The following PCDHGB7 variants were observed in gnomAD, a reference collection of about 807,000 sequenced individuals.
PCDHGB7 encodes the protein protocadherin gamma subfamily B, 7, also known as protocadherin gamma-B7.
In PCDHGB7, 37 loss-of-function variants were observed where a neutral mutation model predicts 61.4. That is an observed-to-expected ratio of 0.60 (90% confidence interval 0.46 to 0.79). The LOEUF is 0.79. Ranked by LOEUF, PCDHGB7 falls within the 30% of genes least tolerant of loss-of-function variation. PCDHGB7 has a pLI of 0.00. For synonymous variants in PCDHGB7, 464 were observed against 503.5 expected (o/e 0.92, Z 1.05); for missense variants, 1,166 against 1,202.5 (o/e 0.97, Z 0.45).
In PCDHGB7 at chr5:141,487,365, G is replaced by A. The variant is rs1466536791; in HGVS notation, c.2416-7442G>A. On this transcript the variant is annotated intron_variant, in intron 1 of 3. Coordinates refer to ENST00000398594, the MANE Select transcript of PCDHGB7 (RefSeq NM_018927.4). This position sits in a 1 kb window ranked among gnomAD's most constrained non-coding sequence, Gnocchi z 5.0. ...GTCACATGCTTTCCTGCTGGCACCT[G>A]TGCCTGTCTCACCAGATCTCGAAGG... The A allele has an allele frequency of 1.2e-6, 2 of 1,614,068 alleles. No homozygotes were observed. Among genetic ancestry groups the A allele is most frequent in the South Asian group, 1.1e-5 (1 of 91,088 alleles).
Position 141,489,322 on chromosome 5 carries a change from T to G in PCDHGB7, c.2416-5485T>G. 1.9e-6 allele frequency: 3 copies of G among 1,601,052 alleles called. No homozygotes were observed. The highest frequency in any genetic ancestry group is 2.2e-5 in the East Asian group (1 of 44,726). On this transcript the variant is annotated intron_variant, in intron 1 of 3. Transcript: ENST00000398594. This position sits in a 1 kb window ranked among gnomAD's most constrained non-coding sequence, Gnocchi z 4.5. The stretch of plus-strand genomic sequence containing the variant: ...GTCCTTGTGCTGCTGGGGCTGGGTG[T>G]CTGGGCAGCTTCGTTACTCAGTGGT...
At chr5:141,423,042 G>A in intron 1 of PCDHGB7, 1 of 1,614,220 alleles carries the variant, frequency 6.2e-7, no homozygotes, top group Non-Finnish European at 8.5e-7. Context: ...ACGCCTGGCT[G>A]TCCTATCGCC....
Position 141,511,403 on chromosome 5 carries a change from AC to A in PCDHGB7, c.*231del. ...TCCGCTGGGAACCCCCATCCAATCA[AC>A]TGCTGTACCCATGGGGGTAGTGGGG... is the stretch of plus-strand genomic sequence containing the variant. On this transcript the variant is annotated 3_prime_UTR_variant, in exon 4 of 4. Coordinates refer to ENST00000398594, the MANE Select transcript of PCDHGB7 (RefSeq NM_018927.4). 1.1e-6 allele frequency: 1 copy of A among 939,022 alleles called. No homozygotes were observed. The highest frequency in any genetic ancestry group is 1.5e-6 in the Non-Finnish European group (1 of 650,838). The allele number at this position is 939,022 out of a possible 1,614,324, so 58.2% of individuals were successfully genotyped here. A position where few individuals can be genotyped will look rare whatever the true frequency, so the allele number is the denominator to read the frequency against.
chr5:141,490,045 C>T lies in PCDHGB7; in HGVS notation c.2416-4762C>T, dbSNP rs530803072. On this transcript the variant is annotated intron_variant, in intron 1 of 3. Transcript: ENST00000398594. The surrounding 1 kb of genome is among the most constrained non-coding windows in gnomAD (Gnocchi z 5.4). ...GCTGCTCCGCCTCAATGCCACTGAT[C>T]CAGACGAGGGCACCAACGGCCAACT... 1.2e-5 allele frequency: 19 copies of T among 1,614,114 alleles called. No individual in the cohort carries two copies. Among genetic ancestry groups the T allele is most frequent in the Admixed American group, 1.2e-4 (7 of 60,014 alleles).
At chr5:141,450,147 C>T (rs1322871298) in intron 1 of PCDHGB7, among the ~76,000 whole-genome samples, 2 of 151,774 alleles carry the variant, frequency 1.3e-5, no homozygotes, top group African/African-American at 4.8e-5. Context: ...GCTGGGACTA[C>T]AGGCATGTGC....
At chr5:141,428,049 G>A (rs770637382) in intron 1 of PCDHGB7, 16 of 1,608,954 alleles carry the variant, frequency 9.9e-6, no homozygotes, top group Non-Finnish European at 1.4e-5. Flanking sequence ...GGTGACCAAG[G>A]TGGTGGCGGT....
rs138149681 is a variant in PCDHGB7, at chr5:141,486,735, G to A, written c.2416-8072G>A. Reference sequence around the variant, plus strand: ...CAGACAGGAGCTGTTCATGCTACTCGATCCTTTGACTATGAGCAAACCCAG... The same window carrying A: ...CAGACAGGAGCTGTTCATGCTACTCAATCCTTTGACTATGAGCAAACCCAG... On this transcript the variant is annotated intron_variant, in intron 1 of 3. Transcript: ENST00000398594. The surrounding 1 kb of genome is among the most constrained non-coding windows in gnomAD (Gnocchi z 5.0). 3.1e-4 allele frequency: 502 copies of A among 1,614,174 alleles called. 1 individual carries two copies. Among genetic ancestry groups the A allele is most frequent in the South Asian group, 1.8e-3 (161 of 91,086 alleles).
intron 1 of PCDHGB7, among the ~76,000 whole-genome samples, chr5:141,460,983 G>GTGTGTGTA (rs1554142949): frequency 2.2e-5 from 3 of 137,844 alleles, no homozygotes; most frequent in African/African-American, 7.7e-5. Flanking sequence ...GTGTGTGTGT[G>GTGTGTGTA]TATATATATA....
rs752954707 is a variant in PCDHGB7 at position 141,476,801 on chromosome 5, C to T, written c.2416-18006C>T. The T allele has an allele frequency of 6.2e-7, 1 of 1,613,586 alleles. No individual in the cohort carries two copies. Among genetic ancestry groups the T allele is most frequent in the Non-Finnish European group, 8.5e-7 (1 of 1,180,020 alleles). On this transcript the variant is annotated intron_variant, in intron 1 of 3. Coordinates refer to ENST00000398594, the MANE Select transcript of PCDHGB7 (RefSeq NM_018927.4). This position sits in a 1 kb window ranked among gnomAD's most constrained non-coding sequence, Gnocchi z 7.6. Reference sequence around the variant, plus strand: ...GACCCCAGCTCTCTCCGCCAGCCTGCCTATTCACATCAAGGTGCTGGACGC... The same window carrying T: ...GACCCCAGCTCTCTCCGCCAGCCTGTCTATTCACATCAAGGTGCTGGACGC...
chr5:141,430,790 A>G, intron 1 of PCDHGB7: 1 of 1,516,892 alleles, frequency 6.6e-7, no homozygotes, highest in South Asian at 1.3e-5. Context: ...CCGGGACTAC[A>G]AAGGGCTTGT....
chr5:141,490,380 T>A lies in PCDHGB7; in HGVS notation c.2416-4427T>A. On this transcript the variant is annotated intron_variant, in intron 1 of 3. Coordinates refer to ENST00000398594, the MANE Select transcript of PCDHGB7 (RefSeq NM_018927.4). The surrounding 1 kb of genome is among the most constrained non-coding windows in gnomAD (Gnocchi z 5.4). ...TTAATGTGCGAGACCGGGACTCAGG[T>A]AGAAATGGTGAAGTGAGCCTTGATA... 6.2e-7 allele frequency: 1 copy of A among 1,614,204 alleles called. No homozygotes were observed. The highest frequency in any genetic ancestry group is 1.7e-5 in the Admixed American group (1 of 60,026).
At position 141,418,817 on chromosome 5, in the gene PCDHGB7, G is replaced by A. The variant is rs2154547923; in HGVS notation, c.958G>A (p.Glu320Lys). The change falls in exon 1 of 4, where the codon GAA (glutamate) becomes AAA (lysine). Residue 320 changes from glutamate to lysine, a missense_variant. Glu to Lys is a moderately conservative substitution (Grantham distance 56). Coordinates refer to ENST00000398594, the MANE Select transcript of PCDHGB7 (RefSeq NM_018927.4). ...EEVERYTINI[E>K]AKDRGSLSTR... The stretch of plus-strand genomic sequence containing the variant: ...AGTAGAAAGATATACGATAAACATA[G>A]AAGCAAAAGACCGAGGATCTCTCTC... 1 of 1,613,882 alleles carries A rather than the reference G, an allele frequency of 6.2e-7. No individual in the cohort carries two copies. The highest frequency in any genetic ancestry group is 8.5e-7 in the Non-Finnish European group (1 of 1,179,806).
intron 1 of PCDHGB7, among the ~76,000 whole-genome samples, chr5:141,444,466 C>T (rs539222916): frequency 7.9e-5 from 12 of 152,100 alleles, no homozygotes; most frequent in East Asian, 1.9e-4. Context: ...TCACTGCGCC[C>T]GGTCGCGTAC....
At chr5:141,420,521 C>A in intron 1 of PCDHGB7, 1 of 378,418 alleles carries the variant, frequency 2.6e-6, no homozygotes, top group Non-Finnish European at 4.4e-6. Context: ...AGTAAAATAC[C>A]TTTCGGTTAA....
At position 141,490,840 on chromosome 5, in the gene PCDHGB7, G is replaced by C. The variant is rs1177428192; in HGVS notation, c.2416-3967G>C. On this transcript the variant is annotated intron_variant, in intron 1 of 3. Transcript: ENST00000398594. This position sits in a 1 kb window ranked among gnomAD's most constrained non-coding sequence, Gnocchi z 5.4. Reference sequence around the variant, plus strand: ...ATTGCTGCAGATGCTGCAGATTGTGGTGGGGGTTCGAGACTCCGGCTCTCC... The same window carrying C: ...ATTGCTGCAGATGCTGCAGATTGTGCTGGGGGTTCGAGACTCCGGCTCTCC... 2 of 1,613,900 alleles carry C rather than the reference G, an allele frequency of 1.2e-6. No homozygotes were observed. Among genetic ancestry groups the C allele is most frequent in the Middle Eastern group, 3.3e-4 (2 of 6,058 alleles).
chr5:141,505,625 C>T, intron 3 of PCDHGB7, 144 bp downstream of exon 3: 1 of 1,489,114 alleles, frequency 6.7e-7, no homozygotes, highest in Non-Finnish European at 9.0e-7. Context: ...CCCACAATTC[C>T]AAACATAAAG....
At chr5:141,447,642 T>G (rs1275164919) in intron 1 of PCDHGB7, among the ~76,000 whole-genome samples, 2 of 152,166 alleles carry the variant, frequency 1.3e-5, no homozygotes, top group Non-Finnish European at 2.9e-5. Flanking sequence ...TGAATGATGG[T>G]AGAATTTTCC....
In PCDHGB7 at chr5:141,485,099, G is replaced by T; in HGVS notation, c.2416-9708G>T. The T allele has an allele frequency of 8.7e-7, 1 of 1,145,218 alleles. No individual in the cohort carries two copies. Among genetic ancestry groups the T allele is most frequent in the Non-Finnish European group, 1.3e-6 (1 of 775,682 alleles). 70.9% of individuals were successfully genotyped at this position (1,145,218 alleles called of 1,614,324 possible). A position where few individuals can be genotyped will look rare whatever the true frequency, so the allele number is the denominator to read the frequency against. ...GGGGAAAGGGAGATAGGTGTCTCCA[G>T]CTGCTGTGGCTGTTTGGGGCGGGTC... On this transcript the variant is annotated intron_variant, in intron 1 of 3. Transcript: ENST00000398594. The surrounding 1 kb of genome is among the most constrained non-coding windows in gnomAD (Gnocchi z 5.7).
At chr5:141,428,055 G>T in intron 1 of PCDHGB7, 1 of 1,609,070 alleles carries the variant, frequency 6.2e-7, no homozygotes, top group Non-Finnish European at 8.5e-7. Context: ...CAAGGTGGTG[G>T]CGGTGGACGC....
Sources: gnomAD v4.1 joint callset for allele counts (sites outside exome capture counted in the v4.1 genomes callset) on GRCh38, gnomAD v4.1.1 for gene constraint, Gnocchi (gnomAD v3.1) non-coding constraint, MANE v1.5 for transcripts, NCBI Gene and HGNC (gene_info 2026-07-23, HGNC 2026-07-21) for gene names.